Variants in CORIN observed in about 807,000 individuals in gnomAD.
CORIN encodes corin, serine peptidase.
Under a neutral mutation model 125.3 loss-of-function variants are expected in CORIN, and 117 were observed. The ratio of observed to expected loss-of-function variants is 0.93; its 90% CI spans 0.80 to 1.09. The LOEUF (loss-of-function observed/expected upper bound fraction) is 1.09. CORIN is among the 50% of genes least tolerant of loss of function. The pLI is 0.00. For missense variants in CORIN, 1,253 were observed against 1,306.7 expected, an observed-to-expected ratio of 0.96 and a Z score of 0.63; for synonymous variants, 450 against 466.4, an observed-to-expected ratio of 0.96 and a Z score of 0.45.
chr4:47,660,926 T>C (rs936974660), intron 12 of CORIN, among the ~76,000 whole-genome samples: 3 of 152,208 alleles, frequency 2.0e-5, no homozygotes, highest in African/African-American at 7.2e-5. Context: ...GGAAGCAACC[T>C]AAGTGTCCAT....
At chr4:47,804,520 C>T (rs1321047044) in intron 2 of CORIN, among the ~76,000 whole-genome samples, 2 of 151,950 alleles carry the variant, frequency 1.3e-5, no homozygotes, top group Non-Finnish European at 2.9e-5. Flanking sequence ...GAGTACTATG[C>T]AGCCATAAAA....
At chr4:47,761,480 TACACACAC>T (rs142904418) in intron 4 of CORIN, among the ~76,000 whole-genome samples, 1 of 144,410 alleles carries the variant, frequency 6.9e-6, no homozygotes, top group African/African-American at 2.5e-5. Flanking sequence ...GAAAATGTGA[TACACACAC>T]ACACACACAC....
intron 9 of CORIN, 106 bp downstream of exon 9, chr4:47,677,832 A>G: frequency 1.3e-6 from 1 of 776,284 alleles, no homozygotes; most frequent in Non-Finnish European, 2.2e-6. Flanking sequence ...GCAATCTGGG[A>G]TTATTTACAT....
At chr4:47,664,398 G>A (rs190325126) in intron 11 of CORIN, among the ~76,000 whole-genome samples, 3 of 152,300 alleles carry the variant, frequency 2.0e-5, no homozygotes, top group Admixed American at 6.5e-5. Context: ...TAAAGGAACC[G>A]AGGCTGAGAG....
intron 19 of CORIN, among the ~76,000 whole-genome samples, chr4:47,605,378 T>C (rs914356828): frequency 2.0e-5 from 3 of 152,174 alleles, no homozygotes; most frequent in Non-Finnish European, 2.9e-5. Context: ...TATTTAATGA[T>C]GGCTCAATGA....
At chr4:47,651,871 A>G (rs1378607568) in intron 13 of CORIN, among the ~76,000 whole-genome samples, 1 of 152,222 alleles carries the variant, frequency 6.6e-6, no homozygotes, top group Non-Finnish European at 1.5e-5. Context: ...AATATGTTCT[A>G]GAACTCAGAA....
intron 5 of CORIN, among the ~76,000 whole-genome samples, chr4:47,742,194 A>G (rs1332295064): frequency 2.0e-5 from 3 of 152,044 alleles, no homozygotes; most frequent in Admixed American, 6.5e-5. Context: ...AAGTCTTAGC[A>G]AACTACAAAT....
intron 5 of CORIN, among the ~76,000 whole-genome samples, chr4:47,699,145 C>T (rs1726171177): frequency 6.6e-6 from 1 of 152,148 alleles, no homozygotes; most frequent in Non-Finnish European, 1.5e-5. Flanking sequence ...AATGACCATC[C>T]TTGAATATCT....
chr4:47,747,982 T>C (rs1728732466), intron 4 of CORIN, among the ~76,000 whole-genome samples: 1 of 152,216 alleles, frequency 6.6e-6, no homozygotes, highest in Admixed American at 6.5e-5. Context: ...TGGGAATATA[T>C]AGAGACATTA....
Position 47,643,243 on chromosome 4 carries a change from A to G in CORIN, c.1971T>C (p.Asp657=), listed in dbSNP as rs768836851. The part of the protein sequence containing the change: ...MDEKNCSFCQ[D]DELECANHAC... ...CATGGTTTGCACATTCCAGCTCATCATCTTGGCAAAATGCTGGCATGGGGA... is the reference window on the plus strand; with the variant it reads ...CATGGTTTGCACATTCCAGCTCATCGTCTTGGCAAAATGCTGGCATGGGGA... The change falls in exon 15 of 22, where the codon GAT becomes GAC. Residue 657 remains aspartate (D), a synonymous_variant. Transcript: ENST00000273857. 10 of 1,595,458 alleles carry G rather than the reference A, an allele frequency of 6.3e-6. No homozygotes were observed. The highest frequency in any genetic ancestry group is 2.3e-5 in the South Asian group (2 of 87,694).
chr4:47,796,108 C>A (rs1203246410), intron 2 of CORIN, among the ~76,000 whole-genome samples: 1 of 152,054 alleles, frequency 6.6e-6, no homozygotes, highest in East Asian at 1.9e-4. Flanking sequence ...AGCAATCCCA[C>A]TTCTGGGTAT....
intron 5 of CORIN, chr4:47,706,294 C>T: frequency 9.9e-7 from 1 of 1,011,144 alleles, no homozygotes; most frequent in South Asian, 1.5e-5. Context: ...AAGCTCTAAA[C>T]TGCTCTACTC....
chr4:47,754,399 A>C (rs1729043990), intron 4 of CORIN, among the ~76,000 whole-genome samples: 1 of 152,202 alleles, frequency 6.6e-6, no homozygotes, highest in Non-Finnish European at 1.5e-5. Flanking sequence ...TCAGGAAAGT[A>C]AGCAGCAAAT....
chr4:47,728,911 G>A (rs1038538826), intron 5 of CORIN, among the ~76,000 whole-genome samples: 1 of 152,230 alleles, frequency 6.6e-6, no homozygotes, highest in Non-Finnish European at 1.5e-5. Flanking sequence ...GAATGCAGAT[G>A]AGGAAAGAAA....
chr4:47,657,012 A>T (rs1284630148), intron 12 of CORIN, among the ~76,000 whole-genome samples: 2 of 152,330 alleles, frequency 1.3e-5, no homozygotes, highest in East Asian at 3.9e-4. Context: ...AGAGAAACCA[A>T]GAAAGTAACC....
chr4:47,795,941 C>G (rs1731270758), intron 2 of CORIN, among the ~76,000 whole-genome samples: 1 of 151,898 alleles, frequency 6.6e-6, no homozygotes, highest in South Asian at 2.1e-4. Context: ...GTTATGATGG[C>G]TATTACCAAA....
At chr4:47,819,186 C>T (rs963683149) in intron 1 of CORIN, among the ~76,000 whole-genome samples, 6 of 152,096 alleles carry the variant, frequency 3.9e-5, no homozygotes, top group Non-Finnish European at 8.8e-5. Context: ...AGGAGAACAC[C>T]TTCTGGGTAG....
intron 2 of CORIN, among the ~76,000 whole-genome samples, chr4:47,804,960 C>T (rs1303642522): frequency 2.0e-5 from 3 of 151,212 alleles, no homozygotes; most frequent in Middle Eastern, 3.4e-3. Context: ...CACAGTGAAA[C>T]CCTGTTTCTA....
At chr4:47,603,053 C>T (rs895984163) in intron 20 of CORIN, among the ~76,000 whole-genome samples, 1 of 152,056 alleles carries the variant, frequency 6.6e-6, no homozygotes, top group African/African-American at 2.4e-5. Context: ...TGTTCCCACC[C>T]AAATCTCATC....
Sources: allele counts gnomAD v4.1 joint callset (sites outside exome capture counted in the v4.1 genomes callset), GRCh38; gene constraint gnomAD v4.1.1; transcripts MANE v1.5; gene names NCBI Gene and HGNC (gene_info 2026-07-23, HGNC 2026-07-21).